UBE2H: variants seen among roughly 807,000 people sequenced by gnomAD.
The protein encoded by UBE2H is ubiquitin conjugating enzyme E2 H, also known as ubiquitin-conjugating enzyme E2 H.
A neutral mutation model predicts 29.0 loss-of-function variants in UBE2H; 3 were observed. The ratio of observed to expected loss-of-function variants is 0.10; its 90% CI spans 0.05 to 0.27. The LOEUF is 0.27. UBE2H is among the 10% of genes least tolerant of loss of function. The pLI is 1.00. For missense variants in UBE2H, 68 were observed against 228.2 expected (o/e 0.30, Z 4.52); for synonymous variants, 69 against 82.9 (o/e 0.83, Z 0.91).
At position 129,912,123 on chromosome 7, in the gene UBE2H, CCT is replaced by C. The variant is rs538113522; in HGVS notation, c.54-31154_54-31153del. Among the ~76,000 whole-genome samples, 117 of 152,248 alleles carry C rather than the reference CCT, an allele frequency of 7.7e-4. 1 individual carries two copies. The highest frequency in any genetic ancestry group is 1.1e-3 in the Non-Finnish European group (76 of 68,024). On this transcript the variant is annotated intron_variant, in intron 1 of 6. Coordinates refer to ENST00000355621, the MANE Select transcript of UBE2H (RefSeq NM_003344.4). ...GGGGTCCACGAACTAGGGCCCACCC[CCT>C]GTTTTTGTAAATAAAGTTTTACTGG...
chr7:129,867,718 G>GAAAAAAAAAAAAAAAAAAAAAAAAGA (rs1308277089), intron 3 of UBE2H, among the ~76,000 whole-genome samples: 1 of 19,650 alleles, frequency 5.1e-5, no homozygotes, highest in African/African-American at 2.0e-4. Flanking sequence ...AAAAAAAAAA[G>GAAAAAAAAAAAAAAAAAAAAAAAAGA]AAAACCAAAA....
In UBE2H at chr7:129,928,231, CAGG is replaced by C. The variant is rs555007751; in HGVS notation, c.53+24269_53+24271del. ...CTGTAGTCCACTTGGGAGGCTGAGG[CAGG>C]AGAAGTGCTTCAACTCCAGCCTGGC... On this transcript the variant is annotated intron_variant, in intron 1 of 6. Coordinates refer to ENST00000355621, the MANE Select transcript of UBE2H (RefSeq NM_003344.4). Among the ~76,000 whole-genome samples the C allele has an allele frequency of 1.2e-4, 19 of 152,040 alleles. 1 individual carries two copies. The East Asian group carries it at 3.3e-3, about 26-fold the overall frequency.
intron 1 of UBE2H, among the ~76,000 whole-genome samples, chr7:129,892,710 G>A (rs571649580): frequency 6.6e-6 from 1 of 152,290 alleles, no homozygotes; most frequent in Admixed American, 6.5e-5. Flanking sequence ...TGCATTGAGA[G>A]GTTCTTTTCC....
At chr7:129,906,956 GT>G (rs34675108) in intron 1 of UBE2H, among the ~76,000 whole-genome samples, 1 of 152,194 alleles carries the variant, frequency 6.6e-6, no homozygotes, top group Non-Finnish European at 1.5e-5. Context: ...ACTAATACTA[GT>G]TTTGAGAGAC....
At chr7:129,869,917 T>C (rs1028924248) in intron 3 of UBE2H, among the ~76,000 whole-genome samples, 2 of 152,164 alleles carry the variant, frequency 1.3e-5, no homozygotes, top group Non-Finnish European at 2.9e-5. Context: ...CTCTAGTGGG[T>C]CGCTCCCCCA....
At chr7:129,877,337 C>G (rs573531472) in intron 3 of UBE2H, among the ~76,000 whole-genome samples, 1 of 152,276 alleles carries the variant, frequency 6.6e-6, no homozygotes, top group African/African-American at 2.4e-5. Context: ...GTTGATCTTA[C>G]CTCCTCGCCC....
At chr7:129,871,246 G>C (rs1049275195) in intron 3 of UBE2H, among the ~76,000 whole-genome samples, 2 of 152,176 alleles carry the variant, frequency 1.3e-5, no homozygotes, top group Admixed American at 6.5e-5. Context: ...GATGATGTAT[G>C]CCACAGCCAA....
At chr7:129,878,008 T>A (rs529233719) in intron 3 of UBE2H, among the ~76,000 whole-genome samples, 23 of 152,318 alleles carry the variant, frequency 1.5e-4, no homozygotes, top group African/African-American at 4.3e-4. Context: ...CTGAATGAAC[T>A]TGCATGGACT....
intron 1 of UBE2H, among the ~76,000 whole-genome samples, chr7:129,944,715 A>ACAC (rs1807720309): frequency 6.9e-6 from 1 of 143,956 alleles, no homozygotes; most frequent in Non-Finnish European, 1.5e-5. Flanking sequence ...ATGCGCTCAA[A>ACAC]ACACACACAC....
intron 1 of UBE2H, among the ~76,000 whole-genome samples, chr7:129,889,588 C>T (rs573865910): frequency 6.6e-6 from 1 of 152,286 alleles, no homozygotes; most frequent in Admixed American, 6.5e-5. Flanking sequence ...ATGCAATATA[C>T]TATGTATTTT....
chr7:129,869,217 C>T (rs1001564940), intron 3 of UBE2H, among the ~76,000 whole-genome samples: 2 of 152,054 alleles, frequency 1.3e-5, no homozygotes, highest in Non-Finnish European at 2.9e-5. Context: ...GGATTACAGA[C>T]GTGAGCCACC....
chr7:129,892,919 T>C (rs763176737), intron 1 of UBE2H, among the ~76,000 whole-genome samples: 24 of 152,220 alleles, frequency 1.6e-4, no homozygotes, highest in Non-Finnish European at 2.1e-4. Context: ...TTTAGCAGGT[T>C]TACAACTAAA....
At chr7:129,942,060 G>A (rs1725079) in intron 1 of UBE2H, among the ~76,000 whole-genome samples, 143,539 of 151,764 alleles carry the variant, frequency 0.95, 68,281 homozygotes, top group East Asian at 1. Context: ...AAATACAAAA[G>A]TAAGCCAGGT....
chr7:129,834,838 T>C lies in UBE2H; in HGVS notation c.*99A>G, dbSNP rs180947137. 2.8e-6 allele frequency: 4 copies of C among 1,434,594 alleles called. No individual in the cohort carries two copies. The East Asian group carries it at 9.7e-5, about 35-fold the overall frequency. 88.9% of individuals were successfully genotyped at this position (1,434,594 alleles called of 1,614,324 possible). Reference sequence around the variant, plus strand: ...TGCTATTATTCATAAAAACCTTGTTTAGTAATAAAAAAAATTGCTTTGTTT... The same window carrying C: ...TGCTATTATTCATAAAAACCTTGTTCAGTAATAAAAAAAATTGCTTTGTTT... On this transcript the variant is annotated 3_prime_UTR_variant, in exon 7 of 7. Coordinates refer to ENST00000355621, the MANE Select transcript of UBE2H (RefSeq NM_003344.4).
chr7:129,950,973 C>G (rs534721256), intron 1 of UBE2H, among the ~76,000 whole-genome samples: 1 of 152,196 alleles, frequency 6.6e-6, no homozygotes, highest in South Asian at 2.1e-4. Context: ...TCTCCCACTC[C>G]CCCAAAAATT....
chr7:129,852,721 T>G (rs1805634160), intron 5 of UBE2H, among the ~76,000 whole-genome samples: 1 of 148,592 alleles, frequency 6.7e-6, no homozygotes, highest in Admixed American at 6.7e-5. Flanking sequence ...TCTCCACAAC[T>G]TTTTTTTTTG....
intron 5 of UBE2H, among the ~76,000 whole-genome samples, chr7:129,849,291 A>T (rs1050751708): frequency 6.6e-6 from 1 of 152,194 alleles, no homozygotes; most frequent in African/African-American, 2.4e-5. Context: ...AAAATAACTA[A>T]TTTGAGCCGG....
rs532103794 is a variant in UBE2H at position 129,892,412 on chromosome 7, C to T, written c.54-11441G>A. Among the ~76,000 whole-genome samples the T allele has an allele frequency of 4.6e-5, 7 of 151,982 alleles. No individual in the cohort carries two copies. In the East Asian group the frequency reaches 7.7e-4, roughly 17 times the overall value. ...GATTACAGGTGCACACCACCACGCC[C>T]GGCTAATTTTTGTATTTTTAGTAGA... is the stretch of plus-strand genomic sequence containing the variant. On this transcript the variant is annotated intron_variant, in intron 1 of 6. Coordinates refer to ENST00000355621, the MANE Select transcript of UBE2H (RefSeq NM_003344.4).
At chr7:129,838,154 T>C (rs182054446) in intron 6 of UBE2H, among the ~76,000 whole-genome samples, 4 of 152,358 alleles carry the variant, frequency 2.6e-5, no homozygotes, top group East Asian at 3.9e-4. Context: ...ATAAATTAGA[T>C]ATTAATTTGC....
Sources: allele counts gnomAD v4.1 joint callset (sites outside exome capture counted in the v4.1 genomes callset), GRCh38; gene constraint gnomAD v4.1.1; transcripts MANE v1.5; gene names NCBI Gene and HGNC (gene_info 2026-07-23, HGNC 2026-07-21).